Variants in EPHA6 observed in about 807,000 individuals in gnomAD.
The protein encoded by EPHA6 is ephrin type-A receptor 6.
A neutral mutation model predicts 112.0 loss-of-function variants in EPHA6; 50 were observed. The observed-to-expected ratio is 0.45, with a 90% CI of 0.36 to 0.56. The LOEUF (loss-of-function observed/expected upper bound fraction) is 0.56, where lower values mean the gene tolerates loss of function less well. Ranked by LOEUF, EPHA6 falls within the 20% of genes least tolerant of loss-of-function variation. The pLI is 0.00. For missense variants in EPHA6, 1,280 were observed against 1,417.4 expected (o/e 0.90, Z 1.56); for synonymous variants, 529 against 490.7 (o/e 1.08, Z -1.03).
At chr3:97,605,193 T>C (rs570083097) in intron 12 of EPHA6, among the ~76,000 whole-genome samples, 44 of 151,228 alleles carry the variant, frequency 2.9e-4, no homozygotes, top group Admixed American at 1.7e-3. Flanking sequence ...TTTTTTAAAG[T>C]ATATGATTTT....
intron 5 of EPHA6, among the ~76,000 whole-genome samples, chr3:97,400,463 G>T (rs781697273): frequency 6.6e-6 from 1 of 151,566 alleles, no homozygotes; most frequent in African/African-American, 2.4e-5. Flanking sequence ...TTTCTGTAAA[G>T]AATATAATTG....
intron 2 of EPHA6, among the ~76,000 whole-genome samples, chr3:96,931,989 G>GCCCT (rs2040350044): frequency 6.6e-6 from 1 of 152,122 alleles, no homozygotes; most frequent in Non-Finnish European, 1.5e-5. Flanking sequence ...TGGACCCTAG[G>GCCCT]CCCTCATGCC....
intron 14 of EPHA6, among the ~76,000 whole-genome samples, chr3:97,700,950 A>C (rs138926520): frequency 2.7e-3 from 418 of 152,288 alleles, no homozygotes; most frequent in Non-Finnish European, 4.5e-3. Flanking sequence ...ATAGAATATT[A>C]GGCAACTCCA....
chr3:97,449,499 T>C (rs1192832048), intron 7 of EPHA6, among the ~76,000 whole-genome samples: 1 of 152,118 alleles, frequency 6.6e-6, no homozygotes, highest in African/African-American at 2.4e-5. Flanking sequence ...ATTATAGTAA[T>C]TCCTTATGGA....
At chr3:97,003,636 G>A (rs1361156951) in intron 3 of EPHA6, among the ~76,000 whole-genome samples, 1 of 152,090 alleles carries the variant, frequency 6.6e-6, no homozygotes, top group African/African-American at 2.4e-5. Context: ...TTTTAAAAAT[G>A]ATTTGCTTTC....
At chr3:97,264,835 A>C (rs1045202901) in intron 5 of EPHA6, among the ~76,000 whole-genome samples, 12 of 152,112 alleles carry the variant, frequency 7.9e-5, no homozygotes, top group Non-Finnish European at 1.5e-4. Flanking sequence ...CTGTCCTAGC[A>C]GGGCTAGGAG....
intron 3 of EPHA6, among the ~76,000 whole-genome samples, chr3:97,013,751 A>G (rs1576322432): frequency 6.6e-6 from 1 of 152,310 alleles, no homozygotes; most frequent in East Asian, 1.9e-4. Context: ...TTATGAAGAT[A>G]TTTCTAAAAT....
chr3:97,338,634 G>A lies in EPHA6; in HGVS notation c.1607-66516G>A, dbSNP rs2083165992. On this transcript the variant is annotated intron_variant, in intron 5 of 17. Coordinates refer to ENST00000389672, the MANE Select transcript of EPHA6 (RefSeq NM_001080448.3). The stretch of plus-strand genomic sequence containing the variant: ...GCCCCACAGCCTACAAGCTCCAGAA[G>A]GCTTGCAAACACACATTATATCACG... Among the ~76,000 whole-genome samples the A allele has an allele frequency of 1.3e-5, 2 of 152,102 alleles. 1 individual carries two copies. The highest frequency in any genetic ancestry group is 4.1e-4 in the South Asian group (2 of 4,826).
chr3:97,559,267 C>T (rs532314154), intron 11 of EPHA6, among the ~76,000 whole-genome samples: 1 of 152,120 alleles, frequency 6.6e-6, no homozygotes, highest in African/African-American at 2.4e-5. Flanking sequence ...CATAATTCTA[C>T]TGAAATCATA....
At chr3:96,855,690 A>G (rs1340770241) in intron 1 of EPHA6, among the ~76,000 whole-genome samples, 1 of 152,102 alleles carries the variant, frequency 6.6e-6, no homozygotes, top group East Asian at 1.9e-4. Context: ...AATGAAAAAA[A>G]AAAACAGAGA....
intron 3 of EPHA6, among the ~76,000 whole-genome samples, chr3:97,133,108 G>T (rs1253150264): frequency 2.0e-5 from 3 of 152,030 alleles, no homozygotes; most frequent in Non-Finnish European, 2.9e-5. Context: ...AGTTGGTAAA[G>T]GTTGAGAATT....
intron 15 of EPHA6, 141 bp from the exon 16 acceptor site, chr3:97,735,784 A>T (rs953854043): frequency 1.3e-5 from 7 of 549,316 alleles, no homozygotes; most frequent in African/African-American, 9.5e-5. Context: ...TTTTGTATTT[A>T]TCCTTATTTA....
chr3:97,571,672 A>AC (rs113116851), intron 11 of EPHA6, among the ~76,000 whole-genome samples: 42,469 of 151,870 alleles, frequency 0.28, 9,274 homozygotes, highest in African/African-American at 0.6. Flanking sequence ...TCATAATGAA[A>AC]CTCTTTCCTG....
intron 3 of EPHA6, among the ~76,000 whole-genome samples, chr3:97,202,499 GT>G: frequency 6.6e-6 from 1 of 151,818 alleles, no homozygotes; most frequent in Non-Finnish European, 1.5e-5. Flanking sequence ...GCCCGGCTAG[GT>G]TTTTTGTATT....
chr3:97,537,657 C>T (rs1334870327), intron 11 of EPHA6, among the ~76,000 whole-genome samples: 1 of 152,210 alleles, frequency 6.6e-6, no homozygotes, highest in Non-Finnish European at 1.5e-5. Flanking sequence ...TGACTCACTG[C>T]AACCTCCACC....
At position 97,661,391 on chromosome 3, in the gene EPHA6, T is replaced by C. The variant is rs532799925; in HGVS notation, c.2784+23309T>C. On this transcript the variant is annotated intron_variant, in intron 14 of 17. Transcript: ENST00000389672. ...AGCTTTGAACACTGCAGAAATCTTATAGAACATTAGCGTTTATGTGGGTGG... is the reference window on the plus strand; with the variant it reads ...AGCTTTGAACACTGCAGAAATCTTACAGAACATTAGCGTTTATGTGGGTGG... Among the ~76,000 whole-genome samples, 14 of 152,282 alleles carry C rather than the reference T, an allele frequency of 9.2e-5. No homozygotes were observed. The South Asian group carries it at 2.1e-3, about 23-fold the overall frequency.
chr3:96,910,752 C>T (rs2039175058), intron 2 of EPHA6, among the ~76,000 whole-genome samples: 1 of 152,002 alleles, frequency 6.6e-6, no homozygotes, highest in African/African-American at 2.4e-5. Context: ...CCAAAATAGT[C>T]TTCCCAATTC....
At chr3:97,358,982 C>T (rs2108925109) in intron 5 of EPHA6, among the ~76,000 whole-genome samples, 1 of 149,286 alleles carries the variant, frequency 6.7e-6, no homozygotes, top group African/African-American at 2.4e-5. Flanking sequence ...ATAAGATTTT[C>T]TCTTTCTTTT....
chr3:97,186,722 A>G (rs1182840015), intron 3 of EPHA6, among the ~76,000 whole-genome samples: 2 of 152,068 alleles, frequency 1.3e-5, no homozygotes, highest in African/African-American at 4.8e-5. Context: ...AGGATCATTC[A>G]TTTTTGTTTT....
Sources: gnomAD v4.1 joint callset for allele counts (sites outside exome capture counted in the v4.1 genomes callset) on GRCh38, gnomAD v4.1.1 for gene constraint, MANE v1.5 for transcripts, NCBI Gene and HGNC (gene_info 2026-07-23, HGNC 2026-07-21) for gene names.